KHDRBS2: variants seen among roughly 807,000 people sequenced by gnomAD.
KHDRBS2 encodes the protein KH domain-containing, RNA-binding, signal transduction-associated protein 2.
In KHDRBS2, 26 loss-of-function variants were observed where a neutral mutation model predicts 44.3. The ratio of observed to expected loss-of-function variants is 0.59; its 90% CI spans 0.43 to 0.81. The LOEUF (loss-of-function observed/expected upper bound fraction) is 0.81. KHDRBS2 is among the 40% of genes least tolerant of loss of function. KHDRBS2 has a pLI of 0.00. For missense variants in KHDRBS2, 476 were observed against 433.1 expected, an observed-to-expected ratio of 1.10 and a Z score of -0.88; for synonymous variants, 194 against 151.1, an observed-to-expected ratio of 1.28 and a Z score of -2.08.
chr6:62,237,344 G>C (rs1351696196), intron 1 of KHDRBS2, among the ~76,000 whole-genome samples: 1 of 152,094 alleles, frequency 6.6e-6, no homozygotes, highest in African/African-American at 2.4e-5. Context: ...ATTTTGCATA[G>C]TTAAAGCCAG....
At chr6:61,598,862 C>T in the KHDRBS2 span, among the ~76,000 whole-genome samples, 2 of 110,422 alleles carry the variant, frequency 1.8e-5, no homozygotes, top group South Asian at 3.0e-4. Context: ...TTTTTTTGCA[C>T]ATCAGGGTAT....
intron 2 of KHDRBS2, among the ~76,000 whole-genome samples, chr6:62,111,180 C>A (rs1159788743): frequency 6.6e-6 from 1 of 151,966 alleles, no homozygotes; most frequent in Non-Finnish European, 1.5e-5. Flanking sequence ...ATCCACATAC[C>A]TTGAATTCAC....
intron 6 of KHDRBS2, among the ~76,000 whole-genome samples, chr6:61,843,344 A>T (rs1425580490): frequency 5.2e-4 from 30 of 57,744 alleles, no homozygotes; most frequent in South Asian, 1.9e-3. Flanking sequence ...TATCTATTTT[A>T]TTATTATTAT....
At chr6:62,222,458 C>A (rs774683305) in intron 1 of KHDRBS2, among the ~76,000 whole-genome samples, 3 of 152,118 alleles carry the variant, frequency 2.0e-5, no homozygotes, top group Non-Finnish European at 4.4e-5. Context: ...GCAGAAACCC[C>A]TGATAAAACC....
chr6:61,583,373 C>T, the KHDRBS2 span, among the ~76,000 whole-genome samples: 1 of 151,674 alleles, frequency 6.6e-6, no homozygotes, highest in African/African-American at 2.4e-5. Flanking sequence ...CTTATTTATT[C>T]TTTGATGGAC....
intron 8 of KHDRBS2, among the ~76,000 whole-genome samples, chr6:61,681,341 A>G (rs1014103251): frequency 5.3e-5 from 8 of 151,918 alleles, no homozygotes; most frequent in African/African-American, 1.7e-4. Flanking sequence ...TCTTAAAAAT[A>G]AATAAATAAA....
At chr6:61,791,867 TA>T in intron 6 of KHDRBS2, among the ~76,000 whole-genome samples, 1 of 151,708 alleles carries the variant, frequency 6.6e-6, no homozygotes, top group East Asian at 1.9e-4. Context: ...TACTTTATAA[TA>T]TTTGCCTTTT....
chr6:62,021,773 C>G (rs1340474388), intron 3 of KHDRBS2, among the ~76,000 whole-genome samples: 2 of 151,612 alleles, frequency 1.3e-5, no homozygotes, highest in Admixed American at 6.6e-5. Flanking sequence ...TAATCTTTCA[C>G]TTTTGCAAAC....
At chr6:61,946,780 A>C (rs1813452033) in intron 4 of KHDRBS2, among the ~76,000 whole-genome samples, 1 of 152,144 alleles carries the variant, frequency 6.6e-6, no homozygotes, top group Admixed American at 6.6e-5. Flanking sequence ...GCTACTGCCA[A>C]GGATGTTGAT....
intron 3 of KHDRBS2, among the ~76,000 whole-genome samples, chr6:62,026,743 T>C (rs1278686307): frequency 1.3e-5 from 2 of 152,064 alleles, no homozygotes; most frequent in African/African-American, 2.4e-5. Context: ...GTTAGTATGA[T>C]TGAATAAAAA....
At chr6:62,012,353 A>G (rs1314949162) in intron 3 of KHDRBS2, among the ~76,000 whole-genome samples, 1 of 152,140 alleles carries the variant, frequency 6.6e-6, no homozygotes, top group Non-Finnish European at 1.5e-5. Context: ...TTGCTTGTCC[A>G]CTGTAGCAAT....
chr6:61,868,582 G>A (rs1333774938), intron 6 of KHDRBS2, among the ~76,000 whole-genome samples: 2 of 152,224 alleles, frequency 1.3e-5, no homozygotes, highest in African/African-American at 4.8e-5. Flanking sequence ...TAAAGAAGCA[G>A]TCTAGCCGCA....
chr6:61,574,055 A>C, the KHDRBS2 span, among the ~76,000 whole-genome samples: 1 of 152,328 alleles, frequency 6.6e-6, no homozygotes, highest in South Asian at 2.1e-4. Context: ...CCTATTCAAC[A>C]AATGGTGCTG....
At chr6:61,610,364 A>G in the KHDRBS2 span, among the ~76,000 whole-genome samples, 1 of 152,288 alleles carries the variant, frequency 6.6e-6, no homozygotes, top group African/African-American at 2.4e-5. Flanking sequence ...ATATTGCTGT[A>G]TAACAAATTA....
the KHDRBS2 span, among the ~76,000 whole-genome samples, chr6:61,578,898 C>G: frequency 6.6e-6 from 1 of 152,108 alleles, no homozygotes; most frequent in Non-Finnish European, 1.5e-5. Flanking sequence ...ATATCTTATA[C>G]TTTCCATGGG....
intron 6 of KHDRBS2, among the ~76,000 whole-genome samples, chr6:61,784,261 T>C (rs1237827095): frequency 4.0e-5 from 6 of 151,774 alleles, no homozygotes; most frequent in African/African-American, 1.4e-4. Context: ...TCATTAAGCA[T>C]ATGAAAAGTA....
intron 8 of KHDRBS2, among the ~76,000 whole-genome samples, chr6:61,684,793 T>C (rs1018055021): frequency 2.0e-5 from 3 of 151,620 alleles, no homozygotes; most frequent in African/African-American, 7.3e-5. Context: ...AATCTGAAAA[T>C]AGCAAATCAG....
intron 4 of KHDRBS2, among the ~76,000 whole-genome samples, chr6:61,946,127 T>C (rs1329961803): frequency 6.6e-6 from 1 of 152,146 alleles, no homozygotes; most frequent in Non-Finnish European, 1.5e-5. Context: ...TAAGATGCAA[T>C]TCAGAAATCT....
intron 2 of KHDRBS2, among the ~76,000 whole-genome samples, chr6:62,080,364 T>G (rs554192972): frequency 6.6e-6 from 1 of 152,064 alleles, no homozygotes; most frequent in Admixed American, 6.6e-5. Flanking sequence ...TGTACCCAAG[T>G]TTTCAAGGAT....
Sources: gnomAD v4.1 joint callset for allele counts (sites outside exome capture counted in the v4.1 genomes callset) on GRCh38, gnomAD v4.1.1 for gene constraint, MANE v1.5 for transcripts, NCBI Gene and HGNC (gene_info 2026-07-23, HGNC 2026-07-21) for gene names.